MAP4: variants seen among roughly 807,000 people sequenced by gnomAD.
MAP4 encodes the protein microtubule-associated protein 4.
Under a neutral mutation model 170.2 loss-of-function variants are expected in MAP4, and 76 were observed. The ratio of observed to expected loss-of-function variants is 0.45; its 90% confidence interval spans 0.37 to 0.54. The LOEUF is 0.54. Among genes scored for constraint, MAP4 ranks in the 20% least tolerant of loss-of-function variants. MAP4 has a pLI of 0.00. For missense variants in MAP4, 2,506 were observed against 2,748.0 expected, an observed-to-expected ratio of 0.91 and a Z score of 1.97; for synonymous variants, 909 against 994.5, an observed-to-expected ratio of 0.91 and a Z score of 1.62.
intron 1 of MAP4, among the ~76,000 whole-genome samples, chr3:48,005,553 A>G (rs141379894): frequency 0.096 from 14,631 of 152,132 alleles, 2,370 homozygotes; most frequent in African/African-American, 0.33. Context: ...ATAAGGTTCT[A>G]ATAGTTTATT....
Position 47,912,364 on chromosome 3 carries a change from C to T in MAP4, c.2057G>A (p.Ser686Asn). ...PTQAKQVCRP[S>N]DRRSTRPKPA... ...CTTGGGCCGGGTTGACCTGCGGTCA[C>T]TGGGTCTGCAAACTTGTTTGGCTTG... Residue 686 changes from serine to asparagine, a missense_variant, in exon 9 of 21, where the codon AGT becomes AAT. Ser to Asn is a conservative substitution (Grantham distance 46). Coordinates refer to ENST00000683076, the MANE Select transcript of MAP4 (RefSeq NM_001385682.1). 6.5e-7 allele frequency: 1 copy of T among 1,534,296 alleles called. No individual in the cohort carries two copies. Among genetic ancestry groups the T allele is most frequent in the Non-Finnish European group, 8.7e-7 (1 of 1,145,698 alleles).
In MAP4 at chr3:47,870,828, C is replaced by T; in HGVS notation, c.6279G>A (p.Gln2093=). The T allele has an allele frequency of 6.4e-7, 1 of 1,571,784 alleles. No homozygotes were observed. The highest frequency in any genetic ancestry group is 1.8e-5 in the Admixed American group (1 of 56,928). ...CTGGACCCACCCGGCCTCCTCCAGG[C>T]TGATGCTTGATGTTTTCCGTGGAGC... The part of the protein sequence containing the change: ...KVGSTENIKH[Q]PGGGRAKVEK... The change falls in exon 15 of 21, where the codon CAG becomes CAA. Residue 2093 remains glutamine (Q), a synonymous_variant. Transcript: ENST00000683076.
At chr3:47,999,385 T>TAAA (rs1014647045) in intron 1 of MAP4, among the ~76,000 whole-genome samples, 1 of 143,972 alleles carries the variant, frequency 6.9e-6, no homozygotes, top group Non-Finnish European at 1.5e-5. Flanking sequence ...CCTGCCAGCA[T>TAAA]AAAAAAAAAA....
chr3:47,916,655 G>A lies in MAP4; in HGVS notation c.1172C>T (p.Ala391Val), dbSNP rs2100039492. 2.5e-6 allele frequency: 4 copies of A among 1,614,020 alleles called. No individual in the cohort carries two copies. The highest frequency in any genetic ancestry group is 3.4e-6 in the Non-Finnish European group (4 of 1,180,024). ...ERASPIKMDL[A>V]PSKDMGPPKE... ...GGGTGGTCCCATGTCCTTGGAAGGA[G>A]CCAAGTCCATTTTTATAGGAGATGC... The change falls in exon 7 of 21, where the codon GCT (alanine) becomes GTT (valine). Residue 391 changes from alanine to valine, a missense_variant. By Grantham distance (64) the Ala-to-Val change is moderately conservative (BLOSUM62 0). Coordinates refer to ENST00000683076, the MANE Select transcript of MAP4 (RefSeq NM_001385682.1).
At chr3:47,969,269 A>C (rs909366780) in intron 3 of MAP4, among the ~76,000 whole-genome samples, 1 of 152,060 alleles carries the variant, frequency 6.6e-6, no homozygotes, top group African/African-American at 2.4e-5. Context: ...TTAGCCAGAC[A>C]TGGTGGTGGG....
At chr3:47,871,420 G>T in intron 13 of MAP4, 134 bp from the exon 14 acceptor site, 1 of 741,338 alleles carries the variant, frequency 1.3e-6, no homozygotes. Flanking sequence ...TAGTCCCTGG[G>T]AATGGAGTGG....
At chr3:47,922,931 T>C (rs1019511943) in intron 4 of MAP4, among the ~76,000 whole-genome samples, 1 of 151,956 alleles carries the variant, frequency 6.6e-6, no homozygotes, top group Admixed American at 6.6e-5. Flanking sequence ...GTGCCTGTAG[T>C]CCCAGCTACC....
At chr3:48,076,939 C>T (rs2100144228) in intron 1 of MAP4, among the ~76,000 whole-genome samples, 1 of 149,334 alleles carries the variant, frequency 6.7e-6, no homozygotes, top group Non-Finnish European at 1.5e-5. Flanking sequence ...TGCTTCAGCC[C>T]AGGAGTTCAC....
At chr3:47,950,545 G>A (rs1281528465) in intron 3 of MAP4, among the ~76,000 whole-genome samples, 1 of 151,896 alleles carries the variant, frequency 6.6e-6, no homozygotes, top group Non-Finnish European at 1.5e-5. Flanking sequence ...TCACCTCATT[G>A]GTTGACTGAA....
chr3:48,043,134 T>C (rs1354771495), intron 1 of MAP4, among the ~76,000 whole-genome samples: 1 of 152,208 alleles, frequency 6.6e-6, no homozygotes, highest in Admixed American at 6.5e-5. Context: ...GGAGTCTTGC[T>C]CTGTCACCCA....
intron 3 of MAP4, among the ~76,000 whole-genome samples, chr3:47,962,095 A>G (rs1015094384): frequency 6.6e-6 from 1 of 152,196 alleles, no homozygotes; most frequent in Non-Finnish European, 1.5e-5. Flanking sequence ...TGATTCCCAG[A>G]AACTTCCAGC....
In MAP4 at chr3:47,872,075, T is replaced by C. The variant is rs752198799; in HGVS notation, c.5783A>G (p.Glu1928Gly). The C allele has an allele frequency of 1.2e-6, 2 of 1,612,680 alleles. No individual in the cohort carries two copies. Among genetic ancestry groups the C allele is most frequent in the Non-Finnish European group, 1.7e-6 (2 of 1,179,392 alleles). Reference protein sequence around the residue: ...PKPIADAKAPEKRASPSKPAS... With the variant: ...PKPIADAKAPGKRASPSKPAS... ...TGGCTTGGATGGTGAGGCCCGCTTC[T>C]CAGGAGCCTTTGCATCTGCAATGGG... Residue 1928 changes from glutamate (E) to glycine (G), a missense_variant, in exon 13 of 21, where the codon GAG becomes GGG. By Grantham distance (98) the Glu-to-Gly change is moderately conservative. Transcript: ENST00000683076.
intron 19 of MAP4, among the ~76,000 whole-genome samples, chr3:47,854,277 C>T (rs970032991): frequency 2.6e-5 from 4 of 152,182 alleles, no homozygotes; most frequent in African/African-American, 9.7e-5. Context: ...CTGAGACGGG[C>T]GTGAGAACGG....
intron 10 of MAP4, among the ~76,000 whole-genome samples, chr3:47,884,865 A>G (rs1462414767): frequency 1.3e-5 from 2 of 152,290 alleles, no homozygotes; most frequent in East Asian, 3.9e-4. Flanking sequence ...ATTACAAGAC[A>G]CCAGGGCTAT....
At chr3:47,907,314 A>AG (rs2100033656) in intron 9 of MAP4, among the ~76,000 whole-genome samples, 1 of 152,204 alleles carries the variant, frequency 6.6e-6, no homozygotes, top group South Asian at 2.1e-4. Context: ...TGCTCTGGAG[A>AG]GGGAAAGCTG....
At chr3:48,052,276 C>T (rs547590427) in intron 1 of MAP4, among the ~76,000 whole-genome samples, 4 of 152,234 alleles carry the variant, frequency 2.6e-5, no homozygotes, top group South Asian at 2.1e-4. Context: ...GGCTGGAGTG[C>T]GGTGGCGCGA....
At chr3:47,880,312 G>T (rs2096482949) in intron 10 of MAP4, among the ~76,000 whole-genome samples, 1 of 117,096 alleles carries the variant, frequency 8.5e-6, no homozygotes. Flanking sequence ...GTTTCACCAT[G>T]TTAGCCAGGA....
In MAP4 at chr3:48,077,593, G is replaced by A. The variant is rs895849214; in HGVS notation, c.-20+11180C>T. Among the ~76,000 whole-genome samples, 9 of 149,986 alleles carry A rather than the reference G, an allele frequency of 6.0e-5. No homozygotes were observed. In the South Asian group the frequency reaches 2.0e-3, roughly 34 times the overall value. On this transcript the variant is annotated intron_variant, in intron 1 of 18. Coordinates refer to the MAP4 transcript ENST00000360240. Reference sequence around the variant, plus strand: ...GGGCTCAAGCAGTCCACCCTCCTCAGCCTCCCAAAATGCTAGGATTACAGG... The same window carrying A: ...GGGCTCAAGCAGTCCACCCTCCTCAACCTCCCAAAATGCTAGGATTACAGG...
At chr3:47,980,402 A>AT (rs931554132) in intron 2 of MAP4, among the ~76,000 whole-genome samples, 1 of 152,224 alleles carries the variant, frequency 6.6e-6, no homozygotes, top group African/African-American at 2.4e-5. Context: ...AATATCTACA[A>AT]TATATGCTAC....
Sources: allele counts gnomAD v4.1 joint callset (sites outside exome capture counted in the v4.1 genomes callset), GRCh38; gene constraint gnomAD v4.1.1; transcripts MANE v1.5; gene names NCBI Gene and HGNC (gene_info 2026-07-23, HGNC 2026-07-21).